Variants in CAMK2A observed in about 807,000 individuals in gnomAD.
The protein encoded by CAMK2A is calcium/calmodulin-dependent protein kinase type II subunit alpha.
Under a neutral mutation model 79.2 loss-of-function variants are expected in CAMK2A, and 7 were observed. The observed-to-expected ratio is 0.09, with a 90% CI of 0.05 to 0.17. The LOEUF (loss-of-function observed/expected upper bound fraction) is 0.17, where lower values mean the gene tolerates loss of function less well. Among genes scored for constraint, CAMK2A ranks in the 10% least tolerant of loss-of-function variants. The pLI, the probability that CAMK2A is intolerant of heterozygous loss-of-function variation, is 1.00. For synonymous variants in CAMK2A, 242 were observed against 251.7 expected, an observed-to-expected ratio of 0.96 and a Z score of 0.36; for missense variants, 214 against 646.4, an observed-to-expected ratio of 0.33 and a Z score of 7.25.
In CAMK2A at chr5:150,222,723, A is replaced by G; in HGVS notation, c.1467-10T>C. ...CAGCCTGGTCCCTCAGCTGTAAGAC[A>G]CACACGGGGTGCTTCTCAGGGCATG... is the stretch of plus-strand genomic sequence containing the variant. On this transcript the variant is annotated splice_polypyrimidine_tract_variant and intron_variant, in intron 18 of 18. Coordinates refer to ENST00000671881, the MANE Select transcript of CAMK2A (RefSeq NM_015981.4). 1 of 1,614,020 alleles carries G rather than the reference A, an allele frequency of 6.2e-7. No homozygotes were observed. Among genetic ancestry groups the G allele is most frequent in the South Asian group, 1.1e-5 (1 of 91,078 alleles).
intron 15 of CAMK2A, among the ~76,000 whole-genome samples, 198 bp from the exon 16 acceptor site, chr5:150,231,578 C>T (rs1281911838): frequency 6.7e-6 from 1 of 150,238 alleles, no homozygotes; most frequent in African/African-American, 2.4e-5. Context: ...GCATCATCAC[C>T]CCCATTTCAC....
At chr5:150,245,006 T>A (rs1303342047) in intron 13 of CAMK2A, among the ~76,000 whole-genome samples, 155 bp downstream of exon 13, 2 of 151,272 alleles carry the variant, frequency 1.3e-5, no homozygotes, top group African/African-American at 2.4e-5. Context: ...AAAGCCTAGG[T>A]CGTGGGTCTG....
At chr5:150,272,382 T>G (rs1756782858) in intron 2 of CAMK2A, among the ~76,000 whole-genome samples, 1 of 152,020 alleles carries the variant, frequency 6.6e-6, no homozygotes, top group African/African-American at 2.4e-5. Flanking sequence ...CTGGCCAACA[T>G]GGTGAAACCC....
At chr5:150,241,102 T>C (rs1755315250) in intron 13 of CAMK2A, among the ~76,000 whole-genome samples, 1 of 152,222 alleles carries the variant, frequency 6.6e-6, no homozygotes, top group African/African-American at 2.4e-5. Flanking sequence ...TACAAAGTGA[T>C]GGTTGGGCCA....
intron 13 of CAMK2A, among the ~76,000 whole-genome samples, chr5:150,241,034 C>G (rs1406659239): frequency 2.0e-5 from 3 of 152,210 alleles, no homozygotes; most frequent in Non-Finnish European, 4.4e-5. Flanking sequence ...CCAGGTTATT[C>G]TCATCTTCCA....
intron 15 of CAMK2A, among the ~76,000 whole-genome samples, chr5:150,234,577 A>C (rs1754985219): frequency 6.6e-6 from 1 of 152,218 alleles, no homozygotes; most frequent in Non-Finnish European, 1.5e-5. Flanking sequence ...AGATCAAAGC[A>C]CTTATGTAAA....
intron 16 of CAMK2A, among the ~76,000 whole-genome samples, chr5:150,230,460 A>G (rs1439011619): frequency 6.6e-6 from 1 of 152,218 alleles, no homozygotes; most frequent in Non-Finnish European, 1.5e-5. Context: ...GGTTATGCCC[A>G]ACTCAATTTA....
chr5:150,249,402 A>C (rs189550056), intron 11 of CAMK2A, among the ~76,000 whole-genome samples: 4 of 152,248 alleles, frequency 2.6e-5, no homozygotes, highest in Admixed American at 2.6e-4. Context: ...CGCCTCCCTG[A>C]CCAGGGTCTC....
chr5:150,262,007 TC>T (rs1477017492), intron 3 of CAMK2A, among the ~76,000 whole-genome samples: 1 of 152,178 alleles, frequency 6.6e-6, no homozygotes, highest in Non-Finnish European at 1.5e-5. Flanking sequence ...ACAGTGCAAG[TC>T]CCCTGTGCCT....
At chr5:150,275,808 A>T (rs938105392) in intron 1 of CAMK2A, among the ~76,000 whole-genome samples, 21 of 150,066 alleles carry the variant, frequency 1.4e-4, no homozygotes, top group African/African-American at 5.2e-4. Context: ...CCTTCGGGGT[A>T]TGTGGATGTT....
At chr5:150,245,436 C>A in intron 12 of CAMK2A, 5 of 564,648 alleles carry the variant, frequency 8.9e-6, no homozygotes, top group South Asian at 4.2e-5. Flanking sequence ...TCAAGCGTAA[C>A]CCTCTGGCTT....
In CAMK2A at chr5:150,222,309, C is replaced by G. The variant is rs370722785; in HGVS notation, c.*401G>C. ...GAAGAGGAGAGGTCTGGGAGAGGGA[C>G]GGACGGATGCTGCCTTCCTCATCAT... On this transcript the variant is annotated 3_prime_UTR_variant, in exon 19 of 19. Coordinates refer to ENST00000671881, the MANE Select transcript of CAMK2A (RefSeq NM_015981.4). 2 of 601,380 alleles carry G rather than the reference C, an allele frequency of 3.3e-6. No individual in the cohort carries two copies. 37.3% of individuals were successfully genotyped at this position (601,380 alleles called of 1,614,324 possible).
intron 10 of CAMK2A, 85 bp from the exon 11 acceptor site, chr5:150,250,394 T>A: frequency 2.7e-6 from 3 of 1,120,144 alleles, no homozygotes; most frequent in Non-Finnish European, 4.1e-6. Flanking sequence ...CAGGGCATCT[T>A]AATGGAGGTG....
intron 3 of CAMK2A, among the ~76,000 whole-genome samples, chr5:150,263,331 AACAC>A (rs908422034): frequency 2.0e-5 from 3 of 151,966 alleles, no homozygotes; most frequent in Non-Finnish European, 4.4e-5. Flanking sequence ...GTTGTGCAGC[AACAC>A]ACACACACAT....
intron 17 of CAMK2A, among the ~76,000 whole-genome samples, chr5:150,224,853 C>T (rs542276576): frequency 1.4e-5 from 1 of 69,316 alleles, no homozygotes; most frequent in African/African-American, 5.5e-5. Flanking sequence ...CTGAAAAAAA[C>T]GCAGTGGAAT....
At chr5:150,228,782 C>G (rs1482454038) in intron 16 of CAMK2A, among the ~76,000 whole-genome samples, 1 of 152,112 alleles carries the variant, frequency 6.6e-6, no homozygotes, top group South Asian at 2.1e-4. Flanking sequence ...CTGGAAGGGG[C>G]GAGTTTTCTA....
chr5:150,222,716 G>T lies in CAMK2A; in HGVS notation c.1467-3C>A. ...GCGACCCCAGCCTGGTCCCTCAGCT[G>T]TAAGACACACACGGGGTGCTTCTCA... On this transcript the variant is annotated splice_polypyrimidine_tract_variant and splice_region_variant and intron_variant, in intron 18 of 18. Coordinates refer to ENST00000671881, the MANE Select transcript of CAMK2A (RefSeq NM_015981.4). 1 of 1,614,066 alleles carries T rather than the reference G, an allele frequency of 6.2e-7. No individual in the cohort carries two copies. Among genetic ancestry groups the T allele is most frequent in the South Asian group, 1.1e-5 (1 of 91,078 alleles).
chr5:150,247,111 T>C (rs1312239025), intron 12 of CAMK2A, among the ~76,000 whole-genome samples: 1 of 152,238 alleles, frequency 6.6e-6, no homozygotes, highest in African/African-American at 2.4e-5. Flanking sequence ...CCTCAGGTGA[T>C]TGGGCACTCC....
intron 1 of CAMK2A, 62 bp downstream of exon 1, chr5:150,289,502 C>A: frequency 1.6e-6 from 2 of 1,286,240 alleles, no homozygotes; most frequent in Non-Finnish European, 2.3e-6. Flanking sequence ...ACACACACCC[C>A]ACTAGAGACC....
Sources: allele counts gnomAD v4.1 joint callset (sites outside exome capture counted in the v4.1 genomes callset), GRCh38; gene constraint gnomAD v4.1.1; transcripts MANE v1.5; gene names NCBI Gene and HGNC (gene_info 2026-07-23, HGNC 2026-07-21).